The following ADAM22 variants were observed in gnomAD, a reference collection of about 807,000 sequenced individuals.
ADAM22 encodes the protein ADAM metallopeptidase domain 22.
A neutral mutation model predicts 144.6 loss-of-function variants in ADAM22; 65 were observed. That is an observed-to-expected ratio of 0.45 (90% CI 0.37 to 0.55). The LOEUF is 0.55. Ranked by LOEUF, ADAM22 falls within the 20% of genes least tolerant of loss-of-function variation. The pLI is 0.00. For missense variants in ADAM22, 974 were observed against 1,184.9 expected (o/e 0.82, Z 2.61); for synonymous variants, 391 against 412.6 (o/e 0.95, Z 0.63).
At chr7:88,003,686 A>G (rs1323282617) in intron 3 of ADAM22, among the ~76,000 whole-genome samples, 2 of 152,260 alleles carry the variant, frequency 1.3e-5, no homozygotes, top group Admixed American at 6.5e-5. Context: ...GGAAACTCTG[A>G]GTCAAAAGAC....
At chr7:88,144,289 A>G (rs1331221905) in intron 15 of ADAM22, among the ~76,000 whole-genome samples, 2 of 152,150 alleles carry the variant, frequency 1.3e-5, no homozygotes. Context: ...TTGAATGAAT[A>G]TTAGGTATCT....
intron 4 of ADAM22, among the ~76,000 whole-genome samples, chr7:88,076,268 C>T (rs1814465350): frequency 6.6e-6 from 1 of 152,120 alleles, no homozygotes; most frequent in Non-Finnish European, 1.5e-5. Flanking sequence ...GAACTTCAGA[C>T]CTCAGGTGAT....
intron 7 of ADAM22, among the ~76,000 whole-genome samples, chr7:88,121,780 G>A (rs1366018527): frequency 2.6e-5 from 4 of 152,182 alleles, no homozygotes; most frequent in Non-Finnish European, 5.9e-5. Context: ...GATCTCAAAA[G>A]TAACATCTGA....
chr7:88,060,783 A>G (rs2129476599), intron 3 of ADAM22, among the ~76,000 whole-genome samples: 1 of 148,192 alleles, frequency 6.7e-6, no homozygotes, highest in South Asian at 2.1e-4. Context: ...AAAAAAAAAC[A>G]AAAAACACTT....
intron 3 of ADAM22, among the ~76,000 whole-genome samples, chr7:88,030,747 C>T (rs562701959): frequency 1.3e-5 from 2 of 152,230 alleles, no homozygotes; most frequent in East Asian, 1.9e-4. Context: ...CTTTGCCTTC[C>T]GCCATGATTG....
intron 2 of ADAM22, among the ~76,000 whole-genome samples, chr7:87,973,226 A>T (rs1328136783): frequency 3.3e-5 from 5 of 152,202 alleles, no homozygotes; most frequent in South Asian, 2.1e-4. Context: ...ATCTACAACG[A>T]ACTCAAACAA....
Position 87,978,480 on chromosome 7 carries a change from G to GT in ADAM22, c.323+74dup. ...ATCCACTTTATTTTCCACTTGTAAA[G>GT]TTTTTTCTTACTATATTTTACTTTG... On this transcript the variant is annotated intron_variant, in intron 3 of 31. Transcript: ENST00000413139. The GT allele has an allele frequency of 4.3e-6, 6 of 1,396,540 alleles. No homozygotes were observed. The South Asian group carries it at 7.3e-5, about 17-fold the overall frequency. The allele number at this position is 1,396,540 out of a possible 1,614,324, so 86.5% of individuals were successfully genotyped here. A position where few individuals can be genotyped will look rare whatever the true frequency, so the allele number is the denominator to read the frequency against.
At chr7:88,120,077 T>TG (rs1469948128) in intron 7 of ADAM22, among the ~76,000 whole-genome samples, 1 of 152,080 alleles carries the variant, frequency 6.6e-6, no homozygotes, top group Non-Finnish European at 1.5e-5. Flanking sequence ...CAGTATATCT[T>TG]GGGTGGGATT....
intron 3 of ADAM22, among the ~76,000 whole-genome samples, chr7:88,011,312 C>A (rs897114537): frequency 6.6e-6 from 1 of 152,082 alleles, no homozygotes; most frequent in South Asian, 2.1e-4. Context: ...GAGGCCGAGG[C>A]GGGCGGATCA....
chr7:87,978,318 T>G lies in ADAM22; in HGVS notation c.247-18T>G. ...ATGGCTGAGTAATAAATAACCTTTT[T>G]TCTTTTTGATATTGTAGTTGACTCA... On this transcript the variant is annotated intron_variant, in intron 2 of 31. Coordinates refer to ENST00000413139, the MANE Select transcript of ADAM22 (RefSeq NM_001324418.2). 1.9e-6 allele frequency: 3 copies of G among 1,605,938 alleles called. No individual in the cohort carries two copies. The highest frequency in any genetic ancestry group is 1.7e-6 in the Non-Finnish European group (2 of 1,174,948).
chr7:88,169,374 T>G (rs1232049052), intron 25 of ADAM22, among the ~76,000 whole-genome samples: 1 of 152,092 alleles, frequency 6.6e-6, no homozygotes, highest in Admixed American at 6.6e-5. Flanking sequence ...TTTTCCCTGA[T>G]TAAATGAGCA....
At chr7:88,023,127 C>T (rs945381781) in intron 3 of ADAM22, among the ~76,000 whole-genome samples, 2 of 152,080 alleles carry the variant, frequency 1.3e-5, no homozygotes, top group Admixed American at 6.6e-5. Context: ...TCTCTTCATT[C>T]TTTTCTTCCT....
At chr7:88,081,994 G>A (rs985104683) in intron 4 of ADAM22, among the ~76,000 whole-genome samples, 1 of 151,982 alleles carries the variant, frequency 6.6e-6, no homozygotes. Flanking sequence ...CTACTTTAAA[G>A]TTCATATGGA....
chr7:88,028,777 T>C (rs903581469), intron 3 of ADAM22, among the ~76,000 whole-genome samples: 1 of 152,068 alleles, frequency 6.6e-6, no homozygotes, highest in Admixed American at 6.6e-5. Flanking sequence ...GTCTCTTTTG[T>C]AGTGTTTGTC....
chr7:88,013,660 C>A (rs763538536), intron 3 of ADAM22, among the ~76,000 whole-genome samples: 8 of 152,098 alleles, frequency 5.3e-5, no homozygotes, highest in Admixed American at 6.5e-5. Context: ...AACTCTTGGC[C>A]TCAAGTGATC....
intron 3 of ADAM22, among the ~76,000 whole-genome samples, chr7:88,023,392 T>A (rs1293315310): frequency 6.6e-6 from 1 of 152,224 alleles, no homozygotes; most frequent in African/African-American, 2.4e-5. Flanking sequence ...GCATTTATCC[T>A]TTGTGTTACA....
intron 4 of ADAM22, among the ~76,000 whole-genome samples, chr7:88,101,125 A>G (rs1321865227): frequency 6.6e-6 from 1 of 151,848 alleles, no homozygotes; most frequent in African/African-American, 2.4e-5. Context: ...TAAAATACCC[A>G]GGTCCCACCC....
In ADAM22 at chr7:88,186,614, G is replaced by C. The variant is rs1173222524; in HGVS notation, c.2664-1G>C. The C allele has an allele frequency of 6.3e-7, 1 of 1,599,354 alleles. No homozygotes were observed. Among genetic ancestry groups the C allele is most frequent in the Non-Finnish European group, 8.6e-7 (1 of 1,166,812 alleles). On this transcript the variant is annotated splice_acceptor_variant, in intron 29 of 31. Transcript: ENST00000413139. LOFTEE classifies it high-confidence loss of function. Reference sequence around the variant, plus strand: ...TTTGTTCCTTCCATTGCTTTCTGCAGGTATTTAAACCCATGGTTCAAAAGA... The same window carrying C: ...TTTGTTCCTTCCATTGCTTTCTGCACGTATTTAAACCCATGGTTCAAAAGA...
At chr7:88,082,178 CGCCGCATATCTACAACTATCTGAT>C (rs1563175930) in intron 4 of ADAM22, among the ~76,000 whole-genome samples, 6 of 151,720 alleles carry the variant, frequency 4.0e-5, no homozygotes, top group Non-Finnish European at 4.4e-5. Context: ...TCAGAAATAA[CGCCGCATATCTACAACTATCTGAT>C]CTTTGACAAA....
Sources: gnomAD v4.1 joint callset for allele counts (sites outside exome capture counted in the v4.1 genomes callset) on GRCh38, gnomAD v4.1.1 for gene constraint, MANE v1.5 for transcripts, NCBI Gene and HGNC (gene_info 2026-07-23, HGNC 2026-07-21) for gene names.